The following LCORL variants were observed in gnomAD, a reference collection of about 807,000 sequenced individuals.
The protein encoded by LCORL is ligand dependent nuclear receptor corepressor like.
In LCORL, 41 loss-of-function variants were observed where a neutral mutation model predicts 141.8. The observed-to-expected ratio is 0.29, with a 90% CI of 0.23 to 0.38. The LOEUF is 0.38. LCORL is among the 10% of genes least tolerant of loss of function. LCORL has a pLI of 1.00. For synonymous variants in LCORL, 618 were observed against 694.1 expected (o/e 0.89, Z 1.72); for missense variants, 1,759 against 2,035.0 (o/e 0.86, Z 2.61).
At chr4:17,994,365 C>A (rs895601454) in intron 1 of LCORL, among the ~76,000 whole-genome samples, 4 of 152,106 alleles carry the variant, frequency 2.6e-5, no homozygotes, top group Admixed American at 6.5e-5. Context: ...TGCCAACACC[C>A]AAACCCTATA....
intron 7 of LCORL, among the ~76,000 whole-genome samples, chr4:17,865,752 C>T (rs1291213186): frequency 6.6e-6 from 1 of 152,162 alleles, no homozygotes; most frequent in African/African-American, 2.4e-5. Context: ...ATCACTTGGG[C>T]CCCACCCCAT....
At chr4:17,911,869 G>A (rs986879003) in intron 4 of LCORL, 46 of 469,452 alleles carry the variant, frequency 9.8e-5, no homozygotes, top group Admixed American at 2.9e-4. Flanking sequence ...CCTGGCCGTG[G>A]GGATGGCCGG....
intron 4 of LCORL, among the ~76,000 whole-genome samples, chr4:17,921,542 G>T (rs543365743): frequency 2.0e-5 from 3 of 152,278 alleles, no homozygotes; most frequent in African/African-American, 4.8e-5. Context: ...AACAACATTA[G>T]TATCCTTGTA....
intron 3 of LCORL, among the ~76,000 whole-genome samples, 173 bp from the exon 4 acceptor site, chr4:17,962,205 T>C (rs974571085): frequency 2.0e-5 from 3 of 149,344 alleles, no homozygotes; most frequent in African/African-American, 2.5e-5. Context: ...AAAAAAGAAA[T>C]AGCTCTGATA....
rs567958614 is a variant in LCORL at position 17,948,383 on chromosome 4, G to A, written c.430+13520C>T. Among the ~76,000 whole-genome samples, 9 of 152,056 alleles carry A rather than the reference G, an allele frequency of 5.9e-5. No individual in the cohort carries two copies. The South Asian group carries it at 1.7e-3, about 28-fold the overall frequency. ...ACACATGTATTGAGCATAAATACAC[G>A]TGCTAAGTACTAGAAAAAAATGATG... On this transcript the variant is annotated intron_variant, in intron 4 of 7. Transcript: ENST00000635767.
intron 6 of LCORL, chr4:17,880,786 A>T: frequency 1.1e-6 from 1 of 935,642 alleles, no homozygotes; most frequent in Non-Finnish European, 1.3e-6. Flanking sequence ...AAGTAGGAAC[A>T]GAATTACAGT....
intron 5 of LCORL, among the ~76,000 whole-genome samples, chr4:17,903,967 C>T (rs559029191): frequency 2.0e-5 from 3 of 151,464 alleles, no homozygotes; most frequent in Non-Finnish European, 4.4e-5. Context: ...GGAAGAAAAC[C>T]CTAAAGGTTA....
chr4:17,848,603 G>A (rs567407791), intron 7 of LCORL, among the ~76,000 whole-genome samples: 12 of 152,364 alleles, frequency 7.9e-5, no homozygotes, highest in South Asian at 2.1e-4. Context: ...CGTGAGCGAC[G>A]CAGAAGACGA....
intron 7 of LCORL, among the ~76,000 whole-genome samples, chr4:17,856,895 A>G (rs1455658451): frequency 6.6e-6 from 1 of 152,078 alleles, no homozygotes; most frequent in African/African-American, 2.4e-5. Context: ...CTATCATCCA[A>G]TTTCATTAAC....
Position 17,902,263 on chromosome 4 carries a change from C to T in LCORL, c.682+6831G>A, listed in dbSNP as rs145366513. 2.4e-3 allele frequency among the ~76,000 whole-genome samples: 369 copies of T among 152,158 alleles called. 1 individual carries two copies. Among genetic ancestry groups the T allele is most frequent in the African/African-American group, 7.9e-3 (330 of 41,518 alleles). ...CATTAAAGGATTTTCAGCAGGAGAG[C>T]GTAGGCCTAGATCTGGAATTTTAAA... is the stretch of plus-strand genomic sequence containing the variant. On this transcript the variant is annotated intron_variant, in intron 5 of 7. Transcript: ENST00000635767.
intron 4 of LCORL, among the ~76,000 whole-genome samples, chr4:17,939,355 T>G (rs993373184): frequency 7.2e-5 from 11 of 152,188 alleles, no homozygotes; most frequent in Non-Finnish European, 1.6e-4. Flanking sequence ...TCTACAACAG[T>G]TTGGCAGTTT....
chr4:17,869,814 C>T (rs1333363105), intron 7 of LCORL, among the ~76,000 whole-genome samples: 2 of 152,110 alleles, frequency 1.3e-5, no homozygotes, highest in African/African-American at 2.4e-5. Context: ...CACTGAACAC[C>T]TCAAATTTCT....
chr4:17,845,598 C>A, exon 8 of LCORL: 5 of 569,178 alleles, frequency 8.8e-6, no homozygotes, highest in Non-Finnish European at 5.8e-6. Context: ...ATGATTAATG[C>A]TAATGATTTA....
At chr4:17,957,980 G>A (rs1042216863) in intron 4 of LCORL, among the ~76,000 whole-genome samples, 4 of 151,870 alleles carry the variant, frequency 2.6e-5, no homozygotes, top group Non-Finnish European at 5.9e-5. Flanking sequence ...AACACTACCT[G>A]TTTTTAAGAA....
At chr4:18,000,126 C>CT (rs11407271) in intron 1 of LCORL, among the ~76,000 whole-genome samples, 30,760 of 130,584 alleles carry the variant, frequency 0.24, 3,902 homozygotes, top group East Asian at 0.45. Context: ...ATTTGTGGTT[C>CT]TTTTTTTTTT....
At chr4:17,962,003 C>A in exon 4 of LCORL, 1 of 1,607,804 alleles carries the variant, frequency 6.2e-7, no homozygotes, top group Non-Finnish European at 8.5e-7. Context: ...TTGGTGTTGA[C>A]TGTGAAGAAT....
rs555470935 is a variant in LCORL at position 17,934,188 on chromosome 4, A to G, written c.431-24843T>C. Among the ~76,000 whole-genome samples, 67 of 152,208 alleles carry G rather than the reference A, an allele frequency of 4.4e-4. No individual in the cohort carries two copies. The East Asian group carries it at 0.012, about 27-fold the overall frequency. On this transcript the variant is annotated intron_variant, in intron 4 of 7. Transcript: ENST00000635767. ...TGGCAAATCCACAAAACTGTACAAC[A>G]TACACAAACTGATTCTGATGTAAAC...
chr4:17,991,382 C>G (rs556115908), intron 1 of LCORL, among the ~76,000 whole-genome samples: 49 of 152,230 alleles, frequency 3.2e-4, no homozygotes, highest in African/African-American at 1.1e-3. Context: ...AAATGTTTAC[C>G]ATACCTATTT....
intron 2 of LCORL, among the ~76,000 whole-genome samples, chr4:17,969,033 A>G (rs1271877214): frequency 6.6e-6 from 1 of 152,230 alleles, no homozygotes; most frequent in Non-Finnish European, 1.5e-5. Flanking sequence ...AAATATACAC[A>G]GTCAGGTATA....
Sources: allele counts gnomAD v4.1 joint callset (sites outside exome capture counted in the v4.1 genomes callset), GRCh38; gene constraint gnomAD v4.1.1; transcripts MANE v1.5; gene names NCBI Gene and HGNC (gene_info 2026-07-23, HGNC 2026-07-21).